The following SELENOH variants were observed in gnomAD, a reference collection of about 807,000 sequenced individuals.
SELENOH encodes chromosome 11 open reading frame 31.
Under a neutral mutation model 11.9 loss-of-function variants are expected in SELENOH, and 13 were observed. That is an observed-to-expected ratio of 1.09 (90% CI 0.71 to 1.74). The LOEUF is 1.74. Among genes scored for constraint, SELENOH ranks in the 40% most tolerant of loss-of-function variants. The pLI, the probability that SELENOH is intolerant of heterozygous loss-of-function variation, is 0.00. For synonymous variants in SELENOH, 96 were observed against 73.5 expected, an observed-to-expected ratio of 1.31 and a Z score of -1.56; for missense variants, 223 against 170.3, an observed-to-expected ratio of 1.31 and a Z score of -1.72.
chr11:57,742,170 C>T lies in SELENOH; in HGVS notation c.322C>T (p.Pro108Ser). ...GGGGCCCCCACGCAAACTCAAATTC[C>T]CTGAGCCTCAAGAGGTGGTGGAAGA... is the stretch of plus-strand genomic sequence containing the variant. ...KKGPPRKLKF[P>S]EPQEVVEELK... Residue 108 changes from proline (P) to serine (S), a missense_variant, in exon 3 of 4, where the codon CCT becomes TCT. Pro to Ser is a moderately conservative substitution (Grantham distance 74, BLOSUM62 -1). Transcript: ENST00000534355. 1 of 1,612,160 alleles carries T rather than the reference C, an allele frequency of 6.2e-7. No homozygotes were observed. The highest frequency in any genetic ancestry group is 8.5e-7 in the Non-Finnish European group (1 of 1,179,242).
In SELENOH at chr11:57,741,614, A is replaced by G. The variant is rs1203211062; in HGVS notation, c.19A>G (p.Lys7Glu). MAPRGRKRKAEAAVVAV... is the reference protein window; with the variant it reads MAPRGRERKAEAAVVAV... ...AGGCGCCATGGCTCCCCGCGGGAGGAAGCGTAAGGCTGAGGCCGCGGTGGT... is the reference window on the plus strand; with the variant it reads ...AGGCGCCATGGCTCCCCGCGGGAGGGAGCGTAAGGCTGAGGCCGCGGTGGT... The change falls in exon 1 of 4, where the codon AAG (lysine) becomes GAG (glutamate). Residue 7 changes from lysine (K) to glutamate (E), a missense_variant. Physicochemically the swap from Lys to Glu is moderately conservative, Grantham distance 56. Transcript: ENST00000534355. 1.2e-5 allele frequency: 15 copies of G among 1,275,956 alleles called. No homozygotes were observed. The highest frequency in any genetic ancestry group is 1.5e-5 in the Non-Finnish European group (15 of 1,003,490). The allele number at this position is 1,275,956 out of a possible 1,614,324, so 79.0% of individuals were successfully genotyped here.
chr11:57,741,635 G>A lies in SELENOH; in HGVS notation c.40G>A (p.Val14Met), dbSNP rs1460340808. 9 of 1,300,494 alleles carry A rather than the reference G, an allele frequency of 6.9e-6. No individual in the cohort carries two copies. The East Asian group carries it at 8.8e-5, about 13-fold the overall frequency. The allele number at this position is 1,300,494 out of a possible 1,614,324, so 80.6% of individuals were successfully genotyped here. Reference protein sequence around the residue: ...RGRKRKAEAAVVAVAEKREKL... With the variant: ...RGRKRKAEAAMVAVAEKREKL... ...GAGGAAGCGTAAGGCTGAGGCCGCG[G>A]TGGTCGCCGTAGCCGAGAAGCGAGA... Residue 14 changes from valine (V) to methionine (M), a missense_variant, in exon 1 of 4, where the codon GTG becomes ATG. Physicochemically the swap from Val to Met is conservative, Grantham distance 21. Transcript: ENST00000534355.
Position 57,741,839 on chromosome 11 carries a change from C to T in SELENOH, c.153C>T (p.Ala51=), listed in dbSNP as rs765173414. 3.7e-6 allele frequency: 6 copies of T among 1,606,220 alleles called. No homozygotes were observed. The highest frequency in any genetic ancestry group is 3.3e-5 in the South Asian group (3 of 89,890). ...GCTGACGCGTCTATGGGCGCAACGCCGCGGCCCTGAGCCAGGCGCTGCGCC... is the reference window on the plus strand; with the variant it reads ...GCTGACGCGTCTATGGGCGCAACGCTGCGGCCCTGAGCCAGGCGCTGCGCC... ...CTSURVYGRN[A]AALSQALRLE... The change falls in exon 2 of 4, where the codon GCC becomes GCT. Residue 51 remains alanine (A), a synonymous_variant. Transcript: ENST00000534355.
chr11:57,742,370 G>A, intron 3 of SELENOH, 123 bp downstream of exon 3: 1 of 694,028 alleles, frequency 1.4e-6, no homozygotes, highest in Non-Finnish European at 2.4e-6. Context: ...ACTCTGGGAG[G>A]TCGAGGCAGG....
At chr11:57,742,318 A>G in intron 3 of SELENOH, 71 bp downstream of exon 3, 1 of 1,173,938 alleles carries the variant, frequency 8.5e-7, no homozygotes, top group Non-Finnish European at 1.2e-6. Context: ...TGTGGCTACA[A>G]GTACCCACCT....
At position 57,742,188 on chromosome 11, in the gene SELENOH, G is replaced by T. The variant is rs1949101766; in HGVS notation, c.340G>T (p.Val114Leu). 4 of 1,611,238 alleles carry T rather than the reference G, an allele frequency of 2.5e-6. No individual in the cohort carries two copies. The highest frequency in any genetic ancestry group is 3.4e-6 in the Non-Finnish European group (4 of 1,178,842). Reference sequence around the variant, plus strand: ...CAAATTCCCTGAGCCTCAAGAGGTGGTGGAAGAGTTGAAGAAGTACCTGTC... The same window carrying T: ...CAAATTCCCTGAGCCTCAAGAGGTGTTGGAAGAGTTGAAGAAGTACCTGTC... ...KLKFPEPQEV[V>L]EELKKYLS The change falls in exon 3 of 4, where the codon GTG becomes TTG. Residue 114 changes from valine (V) to leucine (L), a missense_variant. Transcript: ENST00000534355.
chr11:57,742,312 G>C (rs1250422928), intron 3 of SELENOH, 65 bp downstream of exon 3: 4 of 1,243,164 alleles, frequency 3.2e-6, no homozygotes, highest in Non-Finnish European at 4.6e-6. Context: ...TCTTGGTGTG[G>C]CTACAAGTAC....
chr11:57,741,761 CG>C (rs145767870), intron 1 of SELENOH, 44 bp downstream of exon 1: 103 of 1,589,884 alleles, frequency 6.5e-5, no homozygotes, highest in Admixed American at 2.3e-4. Flanking sequence ...ACAGTGGCGC[CG>C]GGGGGGGCCA....
chr11:57,741,749 G>T lies in SELENOH; in HGVS notation c.122+32G>T, dbSNP rs759396454. 5.0e-6 allele frequency: 8 copies of T among 1,598,888 alleles called. No homozygotes were observed. The Admixed American group carries it at 8.7e-5, about 17-fold the overall frequency. On this transcript the variant is annotated intron_variant, in intron 1 of 3. Transcript: ENST00000534355. ...GGCCTGGAGAGTAACGGGAGAGAGG[G>T]AACAGTGGCGCCGGGGGGGGCCAGG... is the stretch of plus-strand genomic sequence containing the variant.
chr11:57,742,626 C>T (rs1437468461), intron 3 of SELENOH: 1 of 188,736 alleles, frequency 5.3e-6, no homozygotes, highest in African/African-American at 2.3e-5. Flanking sequence ...GTTAACACTG[C>T]ATTACAATAC....
intron 3 of SELENOH, 43 bp downstream of exon 3, chr11:57,742,290 A>G: frequency 7.2e-7 from 1 of 1,390,690 alleles, no homozygotes; most frequent in Non-Finnish European, 1.0e-6. Flanking sequence ...GTTGAGGAAG[A>G]GAAGGCATTG....
At chr11:57,741,761 C>T (rs754260556) in intron 1 of SELENOH, 44 bp downstream of exon 1, 332 of 1,590,632 alleles carry the variant, frequency 2.1e-4, no homozygotes, top group Non-Finnish European at 2.6e-4. Context: ...ACAGTGGCGC[C>T]GGGGGGGGCC....
chr11:57,742,244 T>C lies in SELENOH; in HGVS notation c.*27T>C. The C allele has an allele frequency of 6.3e-7, 1 of 1,576,356 alleles. No homozygotes were observed. Among genetic ancestry groups the C allele is most frequent in the Non-Finnish European group, 8.6e-7 (1 of 1,156,252 alleles). ...GAGATTTGGGTAGAAGCCCTCATGC[T>C]GAGGTTTGAAATGGGAAGTGGGGGG... On this transcript the variant is annotated 3_prime_UTR_variant, in exon 3 of 4. Coordinates refer to ENST00000534355, the MANE Select transcript of SELENOH (RefSeq NM_170746.4).
Position 57,741,624 on chromosome 11 carries a change from C to A in SELENOH, c.29C>A (p.Ala10Asp). Residue 10 changes from alanine (A) to aspartate (D), a missense_variant, in exon 1 of 4, where the codon GCT becomes GAT. Ala to Asp is a moderately radical substitution (Grantham distance 126). Coordinates refer to ENST00000534355, the MANE Select transcript of SELENOH (RefSeq NM_170746.4). ...GCTCCCCGCGGGAGGAAGCGTAAGGCTGAGGCCGCGGTGGTCGCCGTAGCC... is the reference window on the plus strand; with the variant it reads ...GCTCCCCGCGGGAGGAAGCGTAAGGATGAGGCCGCGGTGGTCGCCGTAGCC... MAPRGRKRK[A>D]EAAVVAVAEK... is the part of the protein sequence containing the mutation. 7.6e-7 allele frequency: 1 copy of A among 1,316,540 alleles called. No homozygotes were observed. Among genetic ancestry groups the A allele is most frequent in the Non-Finnish European group, 9.7e-7 (1 of 1,026,368 alleles). The allele number at this position is 1,316,540 out of a possible 1,614,324, so 81.6% of individuals were successfully genotyped here.
intron 2 of SELENOH, 25 bp downstream of exon 2, chr11:57,741,979 G>C (rs774016957): frequency 5.7e-6 from 9 of 1,581,898 alleles, no homozygotes; most frequent in South Asian, 1.2e-5. Flanking sequence ...GGATGTGGGG[G>C]AGAGGGACGT....
chr11:57,741,700 CGTT>C lies in SELENOH; in HGVS notation c.109_111del (p.Val37del), dbSNP rs1321758284. On this transcript the variant is annotated inframe_deletion, in exon 1 of 4. Transcript: ENST00000534355. ...GCGGGGAGGGAATGGAGGAGGCGAC[CGTT>C]GTTATCGAGCATTGGTGAGGGGCCT... 1.9e-6 allele frequency: 3 copies of C among 1,541,052 alleles called. No individual in the cohort carries two copies. The highest frequency in any genetic ancestry group is 2.6e-6 in the Non-Finnish European group (3 of 1,148,052).
Position 57,741,838 on chromosome 11 carries a change from C to T in SELENOH, c.152C>T (p.Ala51Val). 6.2e-7 allele frequency: 1 copy of T among 1,606,188 alleles called. No individual in the cohort carries two copies. The highest frequency in any genetic ancestry group is 8.5e-7 in the Non-Finnish European group (1 of 1,176,716). ...AGCTGACGCGTCTATGGGCGCAACGCCGCGGCCCTGAGCCAGGCGCTGCGC... is the reference window on the plus strand; with the variant it reads ...AGCTGACGCGTCTATGGGCGCAACGTCGCGGCCCTGAGCCAGGCGCTGCGC... Reference protein sequence around the residue: ...CTSURVYGRNAAALSQALRLE... With the variant: ...CTSURVYGRNVAALSQALRLE... The change falls in exon 2 of 4, where the codon GCC (alanine) becomes GTC (valine). Residue 51 changes from alanine (A) to valine (V), a missense_variant. Transcript: ENST00000534355.
rs1949077234 is a variant in SELENOH, at chr11:57,741,719, T to C, written c.122+2T>C. The C allele has an allele frequency of 1.3e-6, 2 of 1,578,986 alleles. No individual in the cohort carries two copies. Among genetic ancestry groups the C allele is most frequent in the Admixed American group, 1.9e-5 (1 of 51,540 alleles). On this transcript the variant is annotated splice_donor_variant, in intron 1 of 3. Coordinates refer to ENST00000534355, the MANE Select transcript of SELENOH (RefSeq NM_170746.4). LOFTEE classifies it high-confidence loss of function. ...GGCGACCGTTGTTATCGAGCATTGG[T>C]GAGGGGCCTGGAGAGTAACGGGAGA...
At position 57,742,228 on chromosome 11, in the gene SELENOH, G is replaced by T; in HGVS notation, c.*11G>T. On this transcript the variant is annotated 3_prime_UTR_variant, in exon 3 of 4. Transcript: ENST00000534355. The stretch of plus-strand genomic sequence containing the variant: ...AAGTACCTGTCGTAGGGAGATTTGG[G>T]TAGAAGCCCTCATGCTGAGGTTTGA... 2 of 1,596,964 alleles carry T rather than the reference G, an allele frequency of 1.3e-6. No individual in the cohort carries two copies. The highest frequency in any genetic ancestry group is 1.7e-6 in the Non-Finnish European group (2 of 1,169,752).
Sources: gnomAD v4.1 joint callset for allele counts on GRCh38, gnomAD v4.1.1 for gene constraint, MANE v1.5 for transcripts, NCBI Gene and HGNC (gene_info 2026-07-23, HGNC 2026-07-21) for gene names.